Variants in IL1RAPL2 observed in about 807,000 individuals in gnomAD.
IL1RAPL2 encodes the protein X-linked interleukin-1 receptor accessory protein-like 2.
Under a neutral mutation model 44.1 loss-of-function variants are expected in IL1RAPL2, and 3 were observed. The ratio of observed to expected loss-of-function variants is 0.07; its 90% CI spans 0.03 to 0.18. The LOEUF is 0.18. Ranked by LOEUF, IL1RAPL2 falls within the 10% of genes least tolerant of loss-of-function variation. The pLI, the probability that IL1RAPL2 is intolerant of heterozygous loss-of-function variation, is 1.00. For missense variants in IL1RAPL2, 391 were observed against 496.4 expected (o/e 0.79, Z 2.02); for synonymous variants, 181 against 178.8 (o/e 1.01, Z -0.10).
chrX:104,946,829 G>T (rs373969268), intron 2 of IL1RAPL2, among the ~76,000 whole-genome samples: 9 of 94,563 alleles, frequency 9.5e-5, no homozygotes, highest in African/African-American at 1.2e-4. Flanking sequence ...TGGACATTTG[G>T]GTTGGTTCCA....
intron 5 of IL1RAPL2, among the ~76,000 whole-genome samples, chrX:105,453,982 A>G (rs1158843566): frequency 1.8e-5 from 2 of 112,055 alleles, no homozygotes; most frequent in Non-Finnish European, 3.8e-5. Context: ...CGATTCAAGT[A>G]GAGTGTCTAT....
At chrX:105,263,367 GA>G (rs2034375607) in intron 4 of IL1RAPL2, among the ~76,000 whole-genome samples, 1 of 111,460 alleles carries the variant, frequency 9.0e-6, no homozygotes, top group African/African-American at 3.3e-5. Context: ...AGAATCAGAA[GA>G]AATATTGAAA....
At chrX:104,671,089 T>G (rs1930591608) in intron 2 of IL1RAPL2, among the ~76,000 whole-genome samples, 1 of 111,199 alleles carries the variant, frequency 9.0e-6, no homozygotes, top group Non-Finnish European at 1.9e-5. Context: ...TTCAATGGCC[T>G]GTAATAGGTA....
intron 2 of IL1RAPL2, among the ~76,000 whole-genome samples, chrX:105,177,089 G>A (rs761480909): frequency 9.0e-6 from 1 of 110,735 alleles, no homozygotes; most frequent in Non-Finnish European, 1.9e-5. Flanking sequence ...CTAGGAACCA[G>A]GCCACACAGC....
At chrX:105,761,087 G>C (rs1307680185) in intron 10 of IL1RAPL2, among the ~76,000 whole-genome samples, 1 of 107,149 alleles carries the variant, frequency 9.3e-6, no homozygotes, top group African/African-American at 3.4e-5. Flanking sequence ...GCTGAGGTAG[G>C]AGAATTGCTT....
At chrX:105,489,891 G>A (rs1478801451) in intron 6 of IL1RAPL2, among the ~76,000 whole-genome samples, 2 of 104,991 alleles carry the variant, frequency 1.9e-5, no homozygotes, top group African/African-American at 7.0e-5. Flanking sequence ...GCAGTGGCAT[G>A]ATCTCGACTC....
intron 5 of IL1RAPL2, among the ~76,000 whole-genome samples, chrX:105,450,986 G>C (rs184182026): frequency 1.8e-5 from 2 of 108,755 alleles, no homozygotes; most frequent in East Asian, 5.8e-4. Flanking sequence ...GTTGATATGA[G>C]GGTTTTTTCC....
intron 5 of IL1RAPL2, among the ~76,000 whole-genome samples, chrX:105,310,844 AT>A (rs1202346331): frequency 5.4e-5 from 6 of 111,646 alleles, no homozygotes; most frequent in African/African-American, 1.9e-4. Context: ...ACATTGTGTA[AT>A]TTATTGGGAC....
At chrX:104,671,384 C>T (rs1930600125) in intron 2 of IL1RAPL2, among the ~76,000 whole-genome samples, 1 of 111,782 alleles carries the variant, frequency 8.9e-6, no homozygotes, top group Non-Finnish European at 1.9e-5. Context: ...TGCTTTTCTT[C>T]ACATGTGAAT....
intron 2 of IL1RAPL2, among the ~76,000 whole-genome samples, chrX:104,768,140 A>AT (rs921683992): frequency 2.7e-5 from 3 of 111,553 alleles, no homozygotes; most frequent in South Asian, 3.8e-4. Flanking sequence ...CTCACATATT[A>AT]TTTTTTGTGG....
intron 2 of IL1RAPL2, among the ~76,000 whole-genome samples, chrX:105,161,703 A>G (rs1378754437): frequency 1.8e-5 from 2 of 112,119 alleles, no homozygotes; most frequent in African/African-American, 6.5e-5. Flanking sequence ...GCTATCGCCT[A>G]TCTGTCAAAA....
intron 6 of IL1RAPL2, among the ~76,000 whole-genome samples, chrX:105,565,208 T>A (rs1297780528): frequency 8.9e-6 from 1 of 112,006 alleles, no homozygotes; most frequent in Non-Finnish European, 1.9e-5. Flanking sequence ...GTAGTCTTTT[T>A]TTTAGAATGC....
intron 2 of IL1RAPL2, among the ~76,000 whole-genome samples, chrX:104,845,347 T>C (rs779442033): frequency 5.3e-5 from 6 of 112,520 alleles, no homozygotes; most frequent in South Asian, 7.4e-4. Context: ...GGAATACTTA[T>C]GTCATCAGTG....
intron 6 of IL1RAPL2, among the ~76,000 whole-genome samples, chrX:105,694,706 G>A (rs1368350794): frequency 1.8e-5 from 2 of 111,081 alleles, no homozygotes; most frequent in Non-Finnish European, 3.8e-5. Context: ...GGGTACCCTT[G>A]TTCACTTCTA....
intron 10 of IL1RAPL2, among the ~76,000 whole-genome samples, chrX:105,760,937 G>C (rs2038681637): frequency 9.0e-6 from 1 of 110,848 alleles, no homozygotes; most frequent in African/African-American, 3.3e-5. Flanking sequence ...CCAGCACTTT[G>C]GGAGGCCGAG....
chrX:104,635,818 C>T (rs1602655296), intron 1 of IL1RAPL2, among the ~76,000 whole-genome samples: 2 of 111,545 alleles, frequency 1.8e-5, no homozygotes, highest in East Asian at 2.9e-4. Context: ...GTAGTTTGAT[C>T]GTCTGAAGCC....
At chrX:105,189,063 G>T (rs782802976) in intron 2 of IL1RAPL2, among the ~76,000 whole-genome samples, 10 of 111,416 alleles carry the variant, frequency 9.0e-5, no homozygotes, top group Non-Finnish European at 1.7e-4. Context: ...TCTTAGATGG[G>T]GGCATATCTG....
chrX:104,785,881 G>T, intron 2 of IL1RAPL2, among the ~76,000 whole-genome samples: 1 of 111,930 alleles, frequency 8.9e-6, no homozygotes, highest in Non-Finnish European at 1.9e-5. Context: ...AGTGTGATTT[G>T]TCACTTGGGA....
At chrX:105,059,723 G>A (rs774554866) in intron 2 of IL1RAPL2, among the ~76,000 whole-genome samples, 34 of 110,862 alleles carry the variant, frequency 3.1e-4, no homozygotes, top group Non-Finnish European at 5.1e-4. Context: ...TAGAGATGGG[G>A]TTTCACCATG....
Sources: gnomAD v4.1 joint callset for allele counts (sites outside exome capture counted in the v4.1 genomes callset) on GRCh38, gnomAD v4.1.1 for gene constraint, MANE v1.5 for transcripts, NCBI Gene and HGNC (gene_info 2026-07-23, HGNC 2026-07-21) for gene names.